SERINC1: variants seen among roughly 807,000 people sequenced by gnomAD.
SERINC1 encodes tumor differentially expressed protein 2.
SERINC1 carries 38 observed loss-of-function variants against 52.9 expected under a neutral mutation model. The ratio of observed to expected loss-of-function variants is 0.72; its 90% CI spans 0.55 to 0.94. The LOEUF (loss-of-function observed/expected upper bound fraction) is 0.94. SERINC1 is among the 40% of genes least tolerant of loss of function. SERINC1 has a pLI of 0.00. For synonymous variants in SERINC1, 198 were observed against 183.1 expected (o/e 1.08, Z -0.66); for missense variants, 471 against 533.9 (o/e 0.88, Z 1.16).
chr6:122,452,622 A>G (rs1320706643), intron 5 of SERINC1, among the ~76,000 whole-genome samples: 2 of 152,170 alleles, frequency 1.3e-5, no homozygotes, highest in Non-Finnish European at 2.9e-5. Flanking sequence ...TTTAGCCTTT[A>G]TGCTAATATG....
intron 1 of SERINC1, among the ~76,000 whole-genome samples, chr6:122,466,367 AG>A (rs1775192441): frequency 6.6e-6 from 1 of 152,096 alleles, no homozygotes; most frequent in African/African-American, 2.4e-5. Flanking sequence ...GCTTTACTAG[AG>A]TGCAGTGGCA....
At chr6:122,452,884 T>C (rs938227838) in intron 5 of SERINC1, among the ~76,000 whole-genome samples, 1 of 152,094 alleles carries the variant, frequency 6.6e-6, no homozygotes, top group Non-Finnish European at 1.5e-5. Context: ...CACCACAAAT[T>C]AGTTGTGTGA....
rs1210316168 is a variant in SERINC1 at position 122,455,270 on chromosome 6, G to A, written c.372-1040C>T. 2.6e-5 allele frequency among the ~76,000 whole-genome samples: 4 copies of A among 152,092 alleles called. No homozygotes were observed. In the East Asian group the frequency reaches 7.7e-4, roughly 29 times the overall value. ...GAAGGGTGCAAAGTACTGATGCTGG[G>A]TGTGTCTGTGAGGGTGTTGCCAAAG... On this transcript the variant is annotated intron_variant, in intron 3 of 9. Transcript: ENST00000339697.
chr6:122,456,878 T>C (rs1470178850), intron 2 of SERINC1, among the ~76,000 whole-genome samples: 2 of 152,196 alleles, frequency 1.3e-5, no homozygotes, highest in Non-Finnish European at 2.9e-5. Flanking sequence ...ACCAACTCTA[T>C]GCTGGTTGCT....
intron 9 of SERINC1, among the ~76,000 whole-genome samples, chr6:122,446,109 C>G (rs1289166137): frequency 6.6e-6 from 1 of 151,948 alleles, no homozygotes; most frequent in Admixed American, 6.6e-5. Context: ...AACAGAACTT[C>G]CCAAACCACA....
chr6:122,462,911 A>G (rs909144066), intron 1 of SERINC1, among the ~76,000 whole-genome samples: 2 of 152,210 alleles, frequency 1.3e-5, no homozygotes, highest in Admixed American at 6.5e-5. Flanking sequence ...TTCCAAACTT[A>G]TCTATAGATT....
At position 122,458,352 on chromosome 6, in the gene SERINC1, A is replaced by T. The variant is rs149771104; in HGVS notation, c.201+168T>A. 1.6e-3 allele frequency among the ~76,000 whole-genome samples: 245 copies of T among 152,304 alleles called. 1 individual carries two copies. The highest frequency in any genetic ancestry group is 5.4e-3 in the African/African-American group (226 of 41,560). ...TCCTGTACCACCATCATAGAACTTA[A>T]CAAACTAATGTATATTATCTTTTTC... On this transcript the variant is annotated intron_variant, in intron 2 of 9. Transcript: ENST00000339697.
At chr6:122,446,140 A>G (rs1248882344) in intron 9 of SERINC1, among the ~76,000 whole-genome samples, 4 of 152,102 alleles carry the variant, frequency 2.6e-5, no homozygotes, top group Non-Finnish European at 5.9e-5. Flanking sequence ...TGAATCTTTG[A>G]CCAAATCTTT....
intron 5 of SERINC1, among the ~76,000 whole-genome samples, chr6:122,452,385 ATAAC>A (rs914048493): frequency 6.6e-6 from 1 of 152,222 alleles, no homozygotes; most frequent in African/African-American, 2.4e-5. Context: ...ATAAAGAAAA[ATAAC>A]TATAAGAGGA....
chr6:122,459,841 A>G (rs1227518686), intron 1 of SERINC1, among the ~76,000 whole-genome samples: 11 of 152,226 alleles, frequency 7.2e-5, no homozygotes, highest in Non-Finnish European at 2.9e-5. Flanking sequence ...CTTAACTAGT[A>G]ACTATCAAGA....
Position 122,446,979 on chromosome 6 carries a change from CCTGA to C in SERINC1, c.1017_1020del (p.Ser339ArgfsTer5). ...TCACTTGTTAGAGTCAGTTTATTAA[CCTGA>C]CTATTGTTTGAAGTACGGATGCTGT... is the stretch of plus-strand genomic sequence containing the variant. On this transcript the variant is annotated frameshift_variant, in exon 9 of 10. Transcript: ENST00000339697. LOFTEE classifies it high-confidence loss of function. The C allele has an allele frequency of 1.2e-6, 2 of 1,610,044 alleles. No individual in the cohort carries two copies. Among genetic ancestry groups the C allele is most frequent in the Non-Finnish European group, 1.7e-6 (2 of 1,176,374 alleles).
At chr6:122,445,384 T>C (rs1438944189) in intron 9 of SERINC1, among the ~76,000 whole-genome samples, 2 of 152,214 alleles carry the variant, frequency 1.3e-5, no homozygotes, top group Non-Finnish European at 2.9e-5. Flanking sequence ...TGGAGTAAAG[T>C]ATACAGGCCT....
rs781056119 is a variant in SERINC1 at position 122,451,689 on chromosome 6, T to C, written c.825A>G (p.Thr275=). The change falls in exon 7 of 10, where the codon ACA becomes ACG. Residue 275 remains threonine, a synonymous_variant. Transcript: ENST00000339697. ...CTGGTTCATTGGTCATAGCTGACCATGTCAAATACATTGTGTAGACTGTAA... is the reference window on the plus strand; with the variant it reads ...CTGGTTCATTGGTCATAGCTGACCACGTCAAATACATTGTGTAGACTGTAA... ...SVITVYTMYL[T]WSAMTNEPET... is the part of the protein sequence containing the mutation. 20 of 1,287,682 alleles carry C rather than the reference T, an allele frequency of 1.6e-5. No individual in the cohort carries two copies. Among genetic ancestry groups the C allele is most frequent in the Admixed American group, 2.5e-5 (1 of 40,500 alleles). The allele number at this position is 1,287,682 out of a possible 1,614,324, so 79.8% of individuals were successfully genotyped here.
Position 122,451,984 on chromosome 6 carries a change from A to G in SERINC1, c.663T>C (p.Thr221=), listed in dbSNP as rs771209276. 6.3e-7 allele frequency: 1 copy of G among 1,598,988 alleles called. No homozygotes were observed. The highest frequency in any genetic ancestry group is 8.5e-7 in the Non-Finnish European group (1 of 1,173,116). Residue 221 remains threonine, a synonymous_variant, in exon 6 of 10, where the codon ACT becomes ACC. Transcript: ENST00000339697. The part of the protein sequence containing the change: ...VAIVLFFVYY[T]HPASCSENKA... ...TGTTTTCTGAACAACTGGCTGGATG[A>G]GTGTAGTAGACAAAGAACAGGACGA...
Position 122,443,711 on chromosome 6 carries a change from T to C in SERINC1, c.*1333A>G, listed in dbSNP as rs544746424. The C allele has an allele frequency of 6.6e-5, 10 of 152,348 alleles. No individual in the cohort carries two copies. In the South Asian group the frequency reaches 1.9e-3, roughly 28 times the overall value. 9.4% of individuals were successfully genotyped at this position (152,348 alleles called of 1,614,324 possible). A position where few individuals can be genotyped will look rare whatever the true frequency, so the allele number is the denominator to read the frequency against. On this transcript the variant is annotated 3_prime_UTR_variant, in exon 10 of 10. Coordinates refer to ENST00000339697, the MANE Select transcript of SERINC1 (RefSeq NM_020755.4). ...ATCATTCTTCTGACCTGTTTATGGGTCATGCTGGACACCAGCAATCCACAT... is the reference window on the plus strand; with the variant it reads ...ATCATTCTTCTGACCTGTTTATGGGCCATGCTGGACACCAGCAATCCACAT...
At chr6:122,466,318 GA>G (rs1173773315) in intron 1 of SERINC1, among the ~76,000 whole-genome samples, 2 of 151,906 alleles carry the variant, frequency 1.3e-5, no homozygotes, top group African/African-American at 4.8e-5. Context: ...TTTGTTTTTT[GA>G]GACAGAGTCT....
intron 3 of SERINC1, among the ~76,000 whole-genome samples, chr6:122,454,903 T>C (rs1391448997): frequency 6.6e-6 from 1 of 152,214 alleles, no homozygotes; most frequent in Non-Finnish European, 1.5e-5. Context: ...CAAAAACATG[T>C]TCATGCATGC....
At chr6:122,456,360 G>A in intron 3 of SERINC1, 121 bp downstream of exon 3, 1 of 550,128 alleles carries the variant, frequency 1.8e-6, no homozygotes, top group Non-Finnish European at 2.9e-6. Flanking sequence ...TGTCATTCAT[G>A]AATAAAGTAA....
intron 7 of SERINC1, 85 bp from the exon 8 acceptor site, chr6:122,447,350 T>C (rs1028076777): frequency 4.7e-5 from 46 of 978,068 alleles, no homozygotes; most frequent in Non-Finnish European, 6.4e-5. Context: ...TAACTCTCTA[T>C]ACCCCTGCAA....
Sources: gnomAD v4.1 joint callset for allele counts (sites outside exome capture counted in the v4.1 genomes callset) on GRCh38, gnomAD v4.1.1 for gene constraint, MANE v1.5 for transcripts, NCBI Gene and HGNC (gene_info 2026-07-23, HGNC 2026-07-21) for gene names.